Variants in BPIFB1 observed in about 807,000 individuals in gnomAD.
BPIFB1 encodes BPI fold-containing family B member 1.
BPIFB1 carries 34 observed loss-of-function variants against 55.1 expected under a neutral mutation model. The ratio of observed to expected loss-of-function variants is 0.62; its 90% CI spans 0.47 to 0.82. The LOEUF is 0.82. Among genes scored for constraint, BPIFB1 ranks in the 40% least tolerant of loss-of-function variants. The pLI is 0.00. For synonymous variants in BPIFB1, 236 were observed against 245.3 expected (o/e 0.96, Z 0.35); for missense variants, 532 against 593.1 (o/e 0.90, Z 1.07).
chr20:33,299,987 G>A lies in BPIFB1; in HGVS notation c.747+3G>A, dbSNP rs779202123. ...ACACCATTCAGCTCTACCTGGGGGT[G>A]AGTGTCCCAGGACCTTGAGGGTGAA... On this transcript the variant is annotated splice_donor_region_variant and intron_variant, in intron 8 of 15. Transcript: ENST00000253354. 6.2e-7 allele frequency: 1 copy of A among 1,613,286 alleles called. No individual in the cohort carries two copies. Among genetic ancestry groups the A allele is most frequent in the African/African-American group, 1.3e-5 (1 of 75,022 alleles).
intron 12 of BPIFB1, 43 bp from the exon 13 acceptor site, chr20:33,304,792 ATGGTGAATGAG>A (rs1980968568): frequency 6.2e-7 from 1 of 1,605,578 alleles, no homozygotes; most frequent in South Asian, 1.1e-5. Flanking sequence ...GAATGAGTGG[ATGGTGAATGAG>A]TGGGACTTCA....
At chr20:33,298,966 C>A in intron 7 of BPIFB1, 5 of 333,374 alleles carry the variant, frequency 1.5e-5, no homozygotes, top group South Asian at 2.5e-5. Context: ...ACCTTATTGA[C>A]TTTAATATAC....
intron 7 of BPIFB1, among the ~76,000 whole-genome samples, chr20:33,297,985 T>C (rs890047777): frequency 4.6e-5 from 7 of 152,186 alleles, no homozygotes; most frequent in African/African-American, 1.2e-4. Context: ...TCTGGGCACA[T>C]AGCAGGTGTC....
At chr20:33,305,086 AACAC>A (rs780046731) in intron 13 of BPIFB1, among the ~76,000 whole-genome samples, 195 bp downstream of exon 13, 1 of 152,126 alleles carries the variant, frequency 6.6e-6, no homozygotes, top group African/African-American at 2.4e-5. Context: ...CACAGCTGAG[AACAC>A]ACACACGCAC....
chr20:33,293,434 A>G (rs976096842), intron 6 of BPIFB1, among the ~76,000 whole-genome samples: 3 of 152,234 alleles, frequency 2.0e-5, no homozygotes, highest in Non-Finnish European at 4.4e-5. Context: ...ACTTGTAATT[A>G]TTAAATAGGT....
At chr20:33,298,328 C>T (rs1046744239) in intron 7 of BPIFB1, among the ~76,000 whole-genome samples, 6 of 152,218 alleles carry the variant, frequency 3.9e-5, no homozygotes, top group Non-Finnish European at 5.9e-5. Context: ...TCTCCCTCCC[C>T]CAGCATAGCA....
At position 33,309,787 on chromosome 20, in the gene BPIFB1, C is replaced by T; in HGVS notation, c.*20C>T. ...CAGTGAAGACTTGGATGGCAGCCATCAGGGAAGGCTGGGTCCCAGCTGGGA... is the reference window on the plus strand; with the variant it reads ...CAGTGAAGACTTGGATGGCAGCCATTAGGGAAGGCTGGGTCCCAGCTGGGA... On this transcript the variant is annotated 3_prime_UTR_variant, in exon 16 of 16. Coordinates refer to ENST00000253354, the MANE Select transcript of BPIFB1 (RefSeq NM_033197.3). The surrounding 1 kb of genome is among the most constrained non-coding windows in gnomAD (Gnocchi z 4.4). 1 of 1,611,316 alleles carries T rather than the reference C, an allele frequency of 6.2e-7. No homozygotes were observed. Among genetic ancestry groups the T allele is most frequent in the Non-Finnish European group, 8.5e-7 (1 of 1,177,540 alleles).
chr20:33,306,495 C>A, intron 14 of BPIFB1: 1 of 317,012 alleles, frequency 3.2e-6, no homozygotes, highest in Middle Eastern at 9.7e-4. Flanking sequence ...CAGGAGGTGC[C>A]TGGCACAGTC....
In BPIFB1 at chr20:33,291,118, T is replaced by G. The variant is rs540997057; in HGVS notation, c.515+12T>G. 1.2e-6 allele frequency: 2 copies of G among 1,607,898 alleles called. No homozygotes were observed. The highest frequency in any genetic ancestry group is 3.3e-5 in the Admixed American group (2 of 60,004). On this transcript the variant is annotated intron_variant, in intron 5 of 15. Coordinates refer to ENST00000253354, the MANE Select transcript of BPIFB1 (RefSeq NM_033197.3). ...CAACTGCTGCATAAGTGAGTGTCGC[T>G]GGCCACCAGCCGGGCTCCCATCCTG...
At chr20:33,290,577 C>T (rs1039007167) in intron 4 of BPIFB1, among the ~76,000 whole-genome samples, 4 of 152,094 alleles carry the variant, frequency 2.6e-5, no homozygotes, top group African/African-American at 9.7e-5. Context: ...GAGAAGTCAA[C>T]GATGACTCCA....
rs1225105987 is a variant in BPIFB1 at position 33,302,905 on chromosome 20, TCTC to T, written c.982-8_982-6del. 1.2e-6 allele frequency: 2 copies of T among 1,613,672 alleles called. No homozygotes were observed. Among genetic ancestry groups the T allele is most frequent in the Middle Eastern group, 1.7e-4 (1 of 6,006 alleles). On this transcript the variant is annotated splice_polypyrimidine_tract_variant and splice_region_variant and intron_variant, in intron 10 of 15. Coordinates refer to ENST00000253354, the MANE Select transcript of BPIFB1 (RefSeq NM_033197.3). ...CTTGGGAGGCCACATGTGGGTCTGA[TCTC>T]CTTCCAGGCTGCAGATAAGCTGGGA... is the stretch of plus-strand genomic sequence containing the variant.
Position 33,290,014 on chromosome 20 carries a change from T to C in BPIFB1, c.365+22T>C, listed in dbSNP as rs115738276. ...ACACGTGAGTGACCCCTCCATCAAG[T>C]ACAGTAGGCTTGACAGGCTCATCTG... On this transcript the variant is annotated intron_variant, in intron 4 of 15. Transcript: ENST00000253354. The C allele has an allele frequency of 1.5e-3, 2,303 of 1,575,748 alleles. 34 individuals carry two copies. In the African/African-American group the frequency reaches 0.028, roughly 19 times the overall value.
chr20:33,304,793 T>A (rs1300621198), intron 12 of BPIFB1, 53 bp from the exon 13 acceptor site: 1 of 1,606,440 alleles, frequency 6.2e-7, no homozygotes, highest in African/African-American at 1.3e-5. Flanking sequence ...AATGAGTGGA[T>A]GGTGAATGAG....
chr20:33,284,341 T>G (rs1345348531), intron 1 of BPIFB1, among the ~76,000 whole-genome samples: 3 of 152,192 alleles, frequency 2.0e-5, no homozygotes, highest in African/African-American at 4.8e-5. Context: ...AACACTAACC[T>G]TTTCAGCTTA....
At chr20:33,306,795 G>A (rs1981041721) in intron 14 of BPIFB1, 116 bp from the exon 15 acceptor site, 4 of 820,088 alleles carry the variant, frequency 4.9e-6, no homozygotes, top group Admixed American at 1.8e-5. Context: ...GAGGCAGAGG[G>A]GGCTGTCTGA....
Position 33,298,833 on chromosome 20 carries a change from G to A in BPIFB1, c.662-1066G>A, listed in dbSNP as rs564287989. 14 of 161,562 alleles carry A rather than the reference G, an allele frequency of 8.7e-5. No individual in the cohort carries two copies. In the South Asian group the frequency reaches 2.9e-3, roughly 34 times the overall value. 10.0% of individuals were successfully genotyped at this position (161,562 alleles called of 1,614,324 possible). A position where few individuals can be genotyped will look rare whatever the true frequency, so the allele number is the denominator to read the frequency against. On this transcript the variant is annotated intron_variant, in intron 7 of 15. Coordinates refer to ENST00000253354, the MANE Select transcript of BPIFB1 (RefSeq NM_033197.3). Reference sequence around the variant, plus strand: ...TAATTCCCAAAGAGTTCTTCCAATCGTCAGATATTTGGTCAGTATTCAGAG... The same window carrying A: ...TAATTCCCAAAGAGTTCTTCCAATCATCAGATATTTGGTCAGTATTCAGAG...
At chr20:33,292,057 A>G (rs1980491104) in intron 6 of BPIFB1, 69 bp downstream of exon 6, 1 of 1,394,202 alleles carries the variant, frequency 7.2e-7, no homozygotes, top group African/African-American at 1.4e-5. Flanking sequence ...TGGAACTGCA[A>G]GTTGGTGCTA....
rs759067776 is a variant in BPIFB1 at position 33,304,860 on chromosome 20, A to G, written c.1223A>G (p.Gln408Arg). ...TTCCATTGCAGCTCTGATCGGATCC[A>G]GCTGATGAACTCTGGGATTGGCTGG... The part of the protein sequence containing the change: ...NLNNISSDRI[Q>R]LMNSGIGWFQ... The change falls in exon 13 of 16, where the codon CAG becomes CGG. Residue 408 changes from glutamine to arginine, a missense_variant. Coordinates refer to ENST00000253354, the MANE Select transcript of BPIFB1 (RefSeq NM_033197.3). 5.0e-6 allele frequency: 8 copies of G among 1,614,088 alleles called. No homozygotes were observed. In the East Asian group the frequency reaches 1.8e-4, roughly 36 times the overall value.
chr20:33,293,531 TA>T (rs1196190466), intron 6 of BPIFB1, among the ~76,000 whole-genome samples: 1 of 152,164 alleles, frequency 6.6e-6, no homozygotes, highest in African/African-American at 2.4e-5. Flanking sequence ...AAAATGACAG[TA>T]GCAATATTTA....
Sources: gnomAD v4.1 joint callset for allele counts (sites outside exome capture counted in the v4.1 genomes callset) on GRCh38, gnomAD v4.1.1 for gene constraint, Gnocchi (gnomAD v3.1) non-coding constraint, MANE v1.5 for transcripts, NCBI Gene and HGNC (gene_info 2026-07-23, HGNC 2026-07-21) for gene names.